Variants in TAF4 observed in about 807,000 individuals in gnomAD.
The protein encoded by TAF4 is transcription initiation factor TFIID subunit 4.
TAF4 carries 9 observed loss-of-function variants against 90.3 expected under a neutral mutation model. The ratio of observed to expected loss-of-function variants is 0.10; its 90% CI spans 0.06 to 0.17. TAF4 has a LOEUF of 0.17. TAF4 is among the 10% of genes least tolerant of loss of function. The pLI is 1.00. For synonymous variants in TAF4, 818 were observed against 638.9 expected (o/e 1.28, Z -4.23); for missense variants, 1,351 against 1,370.7 (o/e 0.99, Z 0.23).
intron 14 of TAF4, among the ~76,000 whole-genome samples, chr20:61,983,161 T>C (rs1307535681): frequency 1.3e-5 from 2 of 151,832 alleles, no homozygotes; most frequent in African/African-American, 2.4e-5. Flanking sequence ...TGGCCAACAG[T>C]GGAGCTGCCA....
intron 1 of TAF4, among the ~76,000 whole-genome samples, chr20:62,042,996 T>G (rs554904639): frequency 8.9e-4 from 136 of 152,212 alleles, no homozygotes; most frequent in Non-Finnish European, 1.5e-3. Context: ...TTCTAACAAG[T>G]AAGTTTAAAA....
intron 1 of TAF4, among the ~76,000 whole-genome samples, chr20:62,026,644 C>T (rs1474065723): frequency 6.6e-6 from 1 of 152,210 alleles, no homozygotes; most frequent in Non-Finnish European, 1.5e-5. Flanking sequence ...GAAAGCCAGG[C>T]TCCGCAGAAA....
intron 1 of TAF4, among the ~76,000 whole-genome samples, chr20:62,039,523 A>G (rs2055952181): frequency 6.6e-6 from 1 of 152,228 alleles, no homozygotes; most frequent in Non-Finnish European, 1.5e-5. Context: ...TTTATTTAAG[A>G]AGGCACAAGA....
At chr20:62,047,836 A>T (rs757412260) in intron 1 of TAF4, among the ~76,000 whole-genome samples, 2 of 152,224 alleles carry the variant, frequency 1.3e-5, no homozygotes, top group Non-Finnish European at 2.9e-5. Flanking sequence ...TGTCAATCAT[A>T]CCAAAAAGGA....
Position 62,010,100 on chromosome 20 carries a change from C to G in TAF4, c.1707G>C (p.Thr569=), listed in dbSNP as rs377268580. ...CTGGTACCGTGCGCTGAGGAGTCCC[C>G]GTCTGAACAGCCGTCGCCGTCCCAA... ...ASLGTATAVQ[T]GTPQRTVPGA... Residue 569 remains threonine, a synonymous_variant, in exon 4 of 15, where the codon ACG becomes ACC. Transcript: ENST00000252996. This position sits in a 1 kb window ranked among gnomAD's most constrained non-coding sequence, Gnocchi z 4.5. 6.2e-7 allele frequency: 1 copy of G among 1,613,886 alleles called. No homozygotes were observed.
At position 62,065,135 on chromosome 20, in the gene TAF4, G is replaced by C; in HGVS notation, c.676C>G (p.Leu226Val). ...SLVNNGPAALLPLPKPAAPGT... is the reference protein window; with the variant it reads ...SLVNNGPAALVPLPKPAAPGT... Reference sequence around the variant, plus strand: ...GGGGCGGCGGGCTTGGGCAGCGGCAGCAGCGCGGCGGGCCCGTTGTTGACC... The same window carrying C: ...GGGGCGGCGGGCTTGGGCAGCGGCACCAGCGCGGCGGGCCCGTTGTTGACC... Residue 226 changes from leucine to valine, a missense_variant, in exon 1 of 15, where the codon CTG becomes GTG. Around this residue, in one of 9 missense-constraint regions of TAF4, gnomAD observed 782 missense variants for 536.6 expected, o/e 1.46. Transcript: ENST00000252996. 2.5e-6 allele frequency: 3 copies of C among 1,177,594 alleles called. No homozygotes were observed. Among genetic ancestry groups the C allele is most frequent in the Non-Finnish European group, 3.2e-6 (3 of 930,738 alleles). The allele number at this position is 1,177,594 out of a possible 1,614,324, so 72.9% of individuals were successfully genotyped here.
intron 1 of TAF4, among the ~76,000 whole-genome samples, chr20:62,042,062 A>T (rs577230778): frequency 6.6e-6 from 1 of 152,274 alleles, no homozygotes; most frequent in African/African-American, 2.4e-5. Flanking sequence ...TGCAGCCCTA[A>T]ATGGGAACAG....
At chr20:61,997,111 C>T (rs1271310038) in intron 14 of TAF4, among the ~76,000 whole-genome samples, 2 of 152,178 alleles carry the variant, frequency 1.3e-5, no homozygotes, top group African/African-American at 2.4e-5. Flanking sequence ...GATACAACCA[C>T]AAACATAGAC....
At position 62,065,016 on chromosome 20, in the gene TAF4, GGCGGCGGGC is replaced by G; in HGVS notation, c.786_794del (p.Pro266_Ala268del). 1 of 384,420 alleles carries G rather than the reference GGCGGCGGGC, an allele frequency of 2.6e-6. No homozygotes were observed. Among genetic ancestry groups the G allele is most frequent in the African/African-American group, 2.5e-5 (1 of 40,636 alleles). 23.8% of individuals were successfully genotyped at this position (384,420 alleles called of 1,614,324 possible). On this transcript the variant is annotated inframe_deletion, in exon 1 of 15. Transcript: ENST00000252996. ...GTGGCGGGGGCGGGGCGGCGGCGGG[GGCGGCGGGC>G]GCGGGGGCGGCGGGGGGCGAGGGCG... is the stretch of plus-strand genomic sequence containing the variant.
At position 62,065,458 on chromosome 20, in the gene TAF4, C is replaced by A. The variant is rs1362195633; in HGVS notation, c.353G>T (p.Gly118Val). ...PSPRRPLVPA[G>V]PAPPAAKLRP... The stretch of plus-strand genomic sequence containing the variant: ...CAGCTTCGCGGCGGGCGGCGCGGGC[C>A]CTGCGGGGACAAGGGGGCGGCGCGG... Residue 118 changes from glycine to valine, a missense_variant, in exon 1 of 15, where the codon GGG (glycine) becomes GTG (valine). Around this residue, in one of 9 missense-constraint regions of TAF4, gnomAD observed 782 missense variants for 536.6 expected, o/e 1.46. Coordinates refer to ENST00000252996, the MANE Select transcript of TAF4 (RefSeq NM_003185.4). 2.0e-6 allele frequency: 2 copies of A among 975,942 alleles called. No individual in the cohort carries two copies. Among genetic ancestry groups the A allele is most frequent in the Middle Eastern group, 5.2e-4 (1 of 1,916 alleles). 60.5% of individuals were successfully genotyped at this position (975,942 alleles called of 1,614,324 possible).
intron 5 of TAF4, chr20:62,008,832 C>T: frequency 2.1e-6 from 1 of 478,854 alleles, no homozygotes; most frequent in Non-Finnish European, 3.5e-6. Flanking sequence ...CGGGAGACCT[C>T]CAGGCGCCGG....
chr20:62,018,503 C>T (rs1287962268), intron 1 of TAF4, among the ~76,000 whole-genome samples: 1 of 152,266 alleles, frequency 6.6e-6, no homozygotes. Flanking sequence ...AAGGCAGCCG[C>T]CCCTCCTGCC....
intron 1 of TAF4, among the ~76,000 whole-genome samples, chr20:62,029,992 C>T (rs951104527): frequency 6.6e-6 from 1 of 152,170 alleles, no homozygotes; most frequent in Non-Finnish European, 1.5e-5. Context: ...AAGAACAGTG[C>T]GCCGCAGGGG....
chr20:62,053,732 C>T (rs2056044376), intron 1 of TAF4, among the ~76,000 whole-genome samples: 1 of 152,374 alleles, frequency 6.6e-6, no homozygotes, highest in Admixed American at 6.5e-5. Context: ...GGCCTGCTGG[C>T]TGTCCACCCG....
At chr20:61,980,138 T>G (rs1477136313) in intron 14 of TAF4, 1 of 152,374 alleles carries the variant, frequency 6.6e-6, no homozygotes, top group Admixed American at 6.5e-5. Context: ...CTCTGACGCA[T>G]GGCGCTGCAG....
intron 1 of TAF4, among the ~76,000 whole-genome samples, chr20:62,062,922 A>G (rs375839948): frequency 1.1e-4 from 17 of 152,354 alleles, no homozygotes; most frequent in African/African-American, 4.1e-4. Flanking sequence ...CTGGAAAAAC[A>G]TTTTTATAAA....
At chr20:62,007,459 G>C (rs1000500599) in intron 6 of TAF4, 88 bp downstream of exon 6, 5 of 1,299,744 alleles carry the variant, frequency 3.8e-6, no homozygotes, top group Admixed American at 1.8e-5. Flanking sequence ...TCCGTGCCTG[G>C]AGCATCCTCG....
chr20:62,051,767 G>A (rs1396610752), intron 1 of TAF4, among the ~76,000 whole-genome samples: 2 of 152,136 alleles, frequency 1.3e-5, no homozygotes, highest in Admixed American at 6.5e-5. Flanking sequence ...GGCCCTCAAC[G>A]CTGCCCCTGC....
intron 14 of TAF4, among the ~76,000 whole-genome samples, chr20:61,994,693 G>A (rs910627635): frequency 1.3e-5 from 2 of 152,172 alleles, no homozygotes; most frequent in Non-Finnish European, 2.9e-5. Flanking sequence ...GTCCTGGTGG[G>A]GAGGGGGAGC....
Sources: gnomAD v4.1 joint callset for allele counts (sites outside exome capture counted in the v4.1 genomes callset) on GRCh38, gnomAD v4.1.1 for gene constraint, gnomAD v4.1.1 regional missense constraint, Gnocchi (gnomAD v3.1) non-coding constraint, MANE v1.5 for transcripts, NCBI Gene and HGNC (gene_info 2026-07-23, HGNC 2026-07-21) for gene names.